The following LMF1 variants were observed in gnomAD, a reference collection of about 807,000 sequenced individuals.
The protein encoded by LMF1 is transmembrane protein 112.
Under a neutral mutation model 60.6 loss-of-function variants are expected in LMF1, and 68 were observed. The ratio of observed to expected loss-of-function variants is 1.12; its 90% confidence interval spans 0.92 to 1.37. The LOEUF (loss-of-function observed/expected upper bound fraction) is 1.37. Among genes scored for constraint, LMF1 ranks in the 40% most tolerant of loss-of-function variants. The pLI is 0.00. For missense variants in LMF1, 948 were observed against 767.2 expected, an observed-to-expected ratio of 1.24 and a Z score of -2.78; for synonymous variants, 418 against 324.7, an observed-to-expected ratio of 1.29 and a Z score of -3.09.
chr16:964,246 A>C (rs1046137646), intron 1 of LMF1: 32 of 410,194 alleles, frequency 7.8e-5, no homozygotes, highest in South Asian at 5.0e-4. Context: ...TAGTGAGAGG[A>C]GATTGCACCA....
chr16:972,351 A>G (rs956875663), upstream of LMF1, among the ~76,000 whole-genome samples: 3 of 152,236 alleles, frequency 2.0e-5, no homozygotes, highest in Non-Finnish European at 4.4e-5. Flanking sequence ...ATGCTGGCCC[A>G]GCCTCCGGGA....
chr16:920,756 T>TA (rs1326637742), intron 3 of LMF1, among the ~76,000 whole-genome samples: 1 of 152,116 alleles, frequency 6.6e-6, no homozygotes, highest in African/African-American at 2.4e-5. Context: ...CAACGGAAGA[T>TA]AAAATCCCCA....
At chr16:859,914 TGTCAC>T (rs1197403571) in intron 10 of LMF1, among the ~76,000 whole-genome samples, 7 of 137,448 alleles carry the variant, frequency 5.1e-5, no homozygotes, top group African/African-American at 2.4e-4. Flanking sequence ...TGTGCAGTGG[TGTCAC>T]GGGATCGGTG....
At chr16:893,683 G>A (rs1596928441) in intron 4 of LMF1, among the ~76,000 whole-genome samples, 1 of 152,230 alleles carries the variant, frequency 6.6e-6, no homozygotes, top group East Asian at 1.9e-4. Flanking sequence ...GGGGCTGGGG[G>A]TTGGTTCTGC....
chr16:898,408 G>A (rs571337920), intron 4 of LMF1, among the ~76,000 whole-genome samples: 81 of 152,350 alleles, frequency 5.3e-4, no homozygotes, highest in Middle Eastern at 6.8e-3. Context: ...CCAGCCGGGA[G>A]AGCCTGGGCT....
chr16:886,105 T>C (rs1352962276), intron 5 of LMF1, among the ~76,000 whole-genome samples: 1 of 152,272 alleles, frequency 6.6e-6, no homozygotes, highest in Non-Finnish European at 1.5e-5. Flanking sequence ...CAGTGCATGT[T>C]ACGACATTTG....
intron 8 of LMF1, 90 bp from the exon 9 acceptor site, chr16:870,156 A>G (rs1758615229): frequency 2.1e-6 from 3 of 1,424,774 alleles, no homozygotes; most frequent in Admixed American, 2.0e-5. Context: ...CCGACTGTCC[A>G]TCCTGGCCCA....
intron 5 of LMF1, 86 bp downstream of exon 5, chr16:892,921 G>C (rs1044903687): frequency 3.3e-5 from 33 of 1,004,294 alleles, no homozygotes; most frequent in Middle Eastern, 2.9e-4. Context: ...AGCTCACCAG[G>C]GTGTGCAGGA....
chr16:938,435 C>T (rs1032621351), intron 2 of LMF1, among the ~76,000 whole-genome samples: 2 of 151,376 alleles, frequency 1.3e-5, no homozygotes, highest in African/African-American at 2.4e-5. Flanking sequence ...GATGGCAGCT[C>T]GTGGGGATGG....
At chr16:912,282 G>A (rs530590490) in intron 3 of LMF1, among the ~76,000 whole-genome samples, 27 of 151,988 alleles carry the variant, frequency 1.8e-4, no homozygotes, top group East Asian at 1.4e-3. Context: ...GAGGGGAAGC[G>A]GACGGAGGCT....
At chr16:980,166 C>T (rs1178372859) in intron 1 of LMF1, 3 of 217,852 alleles carry the variant, frequency 1.4e-5, no homozygotes, top group South Asian at 6.6e-5. Context: ...GCAGGTGACA[C>T]GGCCCTTGCT....
chr16:951,196 GAC>G (rs2072456286), intron 2 of LMF1, among the ~76,000 whole-genome samples: 1 of 149,070 alleles, frequency 6.7e-6, no homozygotes, highest in African/African-American at 2.5e-5. Flanking sequence ...GTCAGCCAAC[GAC>G]AGAGTCAGCC....
intron 5 of LMF1, among the ~76,000 whole-genome samples, chr16:886,132 T>C (rs1056448416): frequency 1.3e-5 from 2 of 152,196 alleles, no homozygotes; most frequent in African/African-American, 4.8e-5. Flanking sequence ...ACAACCGCCG[T>C]AGGGTAGTGG....
chr16:965,785 G>T (rs75555366), intron 1 of LMF1, among the ~76,000 whole-genome samples: 1 of 152,170 alleles, frequency 6.6e-6, no homozygotes, highest in Admixed American at 6.5e-5. Flanking sequence ...CTGGAGGTGG[G>T]TAGAGGGGAA....
At position 931,227 on chromosome 16, in the gene LMF1, T is replaced by C. The variant is rs538890487; in HGVS notation, c.514+3017A>G. Among the ~76,000 whole-genome samples the C allele has an allele frequency of 2.6e-5, 4 of 152,344 alleles. No individual in the cohort carries two copies. The East Asian group carries it at 7.7e-4, about 29-fold the overall frequency. ...CAACCAAGGACTGGAGCTTTTTATT[T>C]CATTTAGTTTTAATTAATTTTAGAA... On this transcript the variant is annotated intron_variant, in intron 3 of 10. Coordinates refer to ENST00000262301, the MANE Select transcript of LMF1 (RefSeq NM_022773.4).
chr16:870,120 T>G (rs1596861317), intron 8 of LMF1, 54 bp from the exon 9 acceptor site: 15 of 1,551,418 alleles, frequency 9.7e-6, no homozygotes, highest in Non-Finnish European at 1.3e-5. Flanking sequence ...CTGGGCCGAG[T>G]GGGGTGCATG....
intron 3 of LMF1, among the ~76,000 whole-genome samples, chr16:922,534 T>C (rs113842801): frequency 0.062 from 8,268 of 132,336 alleles, 214 homozygotes; most frequent in Non-Finnish European, 0.087. Flanking sequence ...CCTCGGTTTT[T>C]GGGTGTGATG....
intron 4 of LMF1, among the ~76,000 whole-genome samples, chr16:895,356 C>A (rs2151734994): frequency 6.6e-6 from 1 of 152,348 alleles, no homozygotes; most frequent in African/African-American, 2.4e-5. Context: ...AACATTAATA[C>A]CTCCCAGTAG....
At chr16:938,986 T>G (rs981783490) in intron 2 of LMF1, among the ~76,000 whole-genome samples, 1 of 152,086 alleles carries the variant, frequency 6.6e-6, no homozygotes, top group Admixed American at 6.6e-5. Flanking sequence ...GCATACAGAA[T>G]GGGATGCGGC....
Sources: gnomAD v4.1 joint callset for allele counts (sites outside exome capture counted in the v4.1 genomes callset) on GRCh38, gnomAD v4.1.1 for gene constraint, MANE v1.5 for transcripts, NCBI Gene and HGNC (gene_info 2026-07-23, HGNC 2026-07-21) for gene names.